The following OPCML variants were observed in gnomAD, a reference collection of about 807,000 sequenced individuals.
The protein encoded by OPCML is opioid-binding protein/cell adhesion molecule.
A neutral mutation model predicts 37.8 loss-of-function variants in OPCML; 13 were observed. The ratio of observed to expected loss-of-function variants is 0.34; its 90% CI spans 0.22 to 0.55. OPCML has a LOEUF of 0.55. Among genes scored for constraint, OPCML ranks in the 20% least tolerant of loss-of-function variants. The pLI is 0.91. For missense variants in OPCML, 341 were observed against 435.6 expected (o/e 0.78, Z 1.93); for synonymous variants, 176 against 168.8 (o/e 1.04, Z -0.33).
intron 3 of OPCML, among the ~76,000 whole-genome samples, chr11:132,561,107 C>T (rs984254197): frequency 1.3e-5 from 2 of 152,144 alleles, no homozygotes; most frequent in Admixed American, 6.5e-5. Context: ...TAACTTAATA[C>T]CAACACTCAA....
At chr11:133,090,608 T>C (rs927149181) in intron 1 of OPCML, among the ~76,000 whole-genome samples, 3 of 152,196 alleles carry the variant, frequency 2.0e-5, no homozygotes, top group Admixed American at 1.3e-4. Context: ...GTTCATATCC[T>C]AGTGCTCTGT....
intron 7 of OPCML, 76 bp from the exon 8 acceptor site, chr11:132,420,369 C>A: frequency 6.4e-7 from 1 of 1,563,936 alleles, no homozygotes; most frequent in Non-Finnish European, 8.7e-7. Flanking sequence ...CAAGCAAATA[C>A]ACATACATGC....
At chr11:132,449,544 C>G (rs760025976) in intron 4 of OPCML, among the ~76,000 whole-genome samples, 8 of 152,174 alleles carry the variant, frequency 5.3e-5, no homozygotes, top group Non-Finnish European at 1.0e-4. Context: ...CTTCGCTAAT[C>G]CTTCCCAACC....
chr11:133,381,128 G>A (rs577073812), intron 1 of OPCML, among the ~76,000 whole-genome samples: 1 of 152,362 alleles, frequency 6.6e-6, no homozygotes, highest in East Asian at 1.9e-4. Context: ...GTCTTGCCTA[G>A]GAGTGGCTTA....
At chr11:132,987,895 T>C (rs7122019) in intron 1 of OPCML, among the ~76,000 whole-genome samples, 11,402 of 152,228 alleles carry the variant, frequency 0.075, 675 homozygotes, top group East Asian at 0.23. Flanking sequence ...TTCTTATGTG[T>C]GGACAAATTA....
At chr11:132,817,412 T>C (rs1591649076) in intron 2 of OPCML, among the ~76,000 whole-genome samples, 1 of 152,174 alleles carries the variant, frequency 6.6e-6, no homozygotes, top group Non-Finnish European at 1.5e-5. Context: ...CCCTGTAGTC[T>C]TAGGTATGAA....
chr11:132,889,750 T>G (rs112534118), intron 2 of OPCML, among the ~76,000 whole-genome samples: 2 of 152,356 alleles, frequency 1.3e-5, no homozygotes, highest in African/African-American at 4.8e-5. Flanking sequence ...GATATCACAC[T>G]TCAATTAGTA....
intron 1 of OPCML, among the ~76,000 whole-genome samples, chr11:133,323,195 C>A (rs1943373743): frequency 6.6e-6 from 1 of 152,120 alleles, no homozygotes; most frequent in Admixed American, 6.5e-5. Flanking sequence ...TGTGCCAGAG[C>A]AAAACCAGCT....
rs182982385 is a variant in OPCML at position 133,294,077 on chromosome 11, T to A, written c.61+238187A>T. ...TGAGAGCTGCTCACAGTGAAAATGA[T>A]ATGATTTTCTGGGATGTGGTGGAAA... On this transcript the variant is annotated intron_variant, in intron 1 of 7. Coordinates refer to ENST00000524381, the MANE Select transcript of OPCML (RefSeq NM_001012393.5). 2.5e-3 allele frequency among the ~76,000 whole-genome samples: 379 copies of A among 152,118 alleles called. 1 individual carries two copies. The highest frequency in any genetic ancestry group is 8.6e-3 in the African/African-American group (355 of 41,504).
chr11:133,217,587 C>T (rs1049977351), intron 1 of OPCML, among the ~76,000 whole-genome samples: 2 of 152,182 alleles, frequency 1.3e-5, no homozygotes, highest in Non-Finnish European at 2.9e-5. Flanking sequence ...TACTCGGCTG[C>T]CTGGGCCACT....
intron 1 of OPCML, among the ~76,000 whole-genome samples, chr11:133,111,469 C>T (rs1377146655): frequency 6.6e-6 from 1 of 152,132 alleles, no homozygotes; most frequent in African/African-American, 2.4e-5. Flanking sequence ...GGCATGTTGT[C>T]CCCAGTGTTA....
chr11:132,850,413 AACACGTTAAAACGC>A (rs1294547503), intron 2 of OPCML, among the ~76,000 whole-genome samples: 6 of 152,192 alleles, frequency 3.9e-5, no homozygotes, highest in Non-Finnish European at 4.4e-5. Flanking sequence ...TCAAACTTGG[AACACGTTAAAACGC>A]ACAGTTGGGT....
chr11:132,615,585 T>C (rs2137877757), intron 3 of OPCML, among the ~76,000 whole-genome samples: 1 of 152,272 alleles, frequency 6.6e-6, no homozygotes, highest in Non-Finnish European at 1.5e-5. Flanking sequence ...TTTACATTTA[T>C]TAGGTATTAT....
chr11:133,377,407 C>A (rs148173649), intron 1 of OPCML, among the ~76,000 whole-genome samples: 2 of 151,874 alleles, frequency 1.3e-5, no homozygotes, highest in East Asian at 1.9e-4. Context: ...AGTCTGCTGT[C>A]GGTTGAGTTT....
At chr11:132,847,183 C>T (rs1941582197) in intron 2 of OPCML, among the ~76,000 whole-genome samples, 1 of 152,148 alleles carries the variant, frequency 6.6e-6, no homozygotes, top group Non-Finnish European at 1.5e-5. Flanking sequence ...GCATTCTCAT[C>T]CTCAAACACA....
intron 2 of OPCML, among the ~76,000 whole-genome samples, chr11:132,754,109 G>A (rs1348021566): frequency 2.6e-5 from 4 of 152,186 alleles, no homozygotes; most frequent in African/African-American, 9.7e-5. Flanking sequence ...GCAGCTGCAG[G>A]GCACAGAGCA....
At chr11:133,006,092 G>A in intron 1 of OPCML, 1 of 985,382 alleles carries the variant, frequency 1.0e-6, no homozygotes, top group South Asian at 4.7e-5. Context: ...GTGAGACCAG[G>A]GTTTCTGGCA....
At chr11:133,368,250 G>T (rs886686005) in intron 1 of OPCML, among the ~76,000 whole-genome samples, 2 of 151,696 alleles carry the variant, frequency 1.3e-5, no homozygotes, top group African/African-American at 2.4e-5. Flanking sequence ...GTGAGGTGGG[G>T]GGGGGAAGGA....
intron 2 of OPCML, among the ~76,000 whole-genome samples, chr11:132,848,539 A>G (rs2136321680): frequency 6.6e-6 from 1 of 152,332 alleles, no homozygotes; most frequent in East Asian, 1.9e-4. Flanking sequence ...CAACATCTCC[A>G]GGGAGACATG....
Sources: gnomAD v4.1 joint callset for allele counts (sites outside exome capture counted in the v4.1 genomes callset) on GRCh38, gnomAD v4.1.1 for gene constraint, MANE v1.5 for transcripts, NCBI Gene and HGNC (gene_info 2026-07-23, HGNC 2026-07-21) for gene names.